Variants in NFATC3 observed in about 807,000 individuals in gnomAD.
NFATC3 encodes nuclear factor of activated T cells 3.
Under a neutral mutation model 98.6 loss-of-function variants are expected in NFATC3, and 46 were observed. That is an observed-to-expected ratio of 0.47 (90% CI 0.37 to 0.60). The LOEUF is 0.60. Ranked by LOEUF, NFATC3 falls within the 20% of genes least tolerant of loss-of-function variation. The pLI, the probability that NFATC3 is intolerant of heterozygous loss-of-function variation, is 0.00. For missense variants in NFATC3, 1,256 were observed against 1,295.5 expected, an observed-to-expected ratio of 0.97 and a Z score of 0.47; for synonymous variants, 512 against 472.2, an observed-to-expected ratio of 1.08 and a Z score of -1.09.
At position 68,085,688 on chromosome 16, in the gene NFATC3, A is replaced by G. The variant is rs62620172; in HGVS notation, c.7A>G (p.Thr3Ala). The part of the protein sequence containing the change: MT[T>A]ANCGAHDELD... ...AGCACCCTGGGCCACGCCGATGACT[A>G]CTGCAAACTGTGGCGCCCACGACGA... The change falls in exon 1 of 10, where the codon ACT becomes GCT. Residue 3 changes from threonine (T) to alanine (A), a missense_variant. Physicochemically the swap from Thr to Ala is moderately conservative, Grantham distance 58 (BLOSUM62 0). Coordinates refer to ENST00000346183, the MANE Select transcript of NFATC3 (RefSeq NM_173165.3). The G allele has an allele frequency of 3.2e-4, 487 of 1,514,326 alleles. 5 individuals carry two copies. The African/African-American group carries it at 6.1e-3, about 19-fold the overall frequency. The allele number at this position is 1,514,326 out of a possible 1,614,324, so 93.8% of individuals were successfully genotyped here.
intron 1 of NFATC3, among the ~76,000 whole-genome samples, chr16:68,116,255 A>G (rs949591663): frequency 6.6e-6 from 1 of 152,004 alleles, no homozygotes; most frequent in African/African-American, 2.4e-5. Flanking sequence ...AAGACAAACT[A>G]TTATCTGTAG....
rs2040405633 is a variant in NFATC3, at chr16:68,191,051, A to C, written c.2382A>C (p.Pro794=). The stretch of plus-strand genomic sequence containing the variant: ...TACACCAGCCTTTTCAAGTCACACC[A>C]ACACCTCCTGTGGGGTCTTCCTATC... ...PIVHQPFQVT[P]TPPVGSSYQP... is the part of the protein sequence containing the mutation. Residue 794 remains proline, a synonymous_variant, in exon 9 of 10, where the codon CCA becomes CCC. Transcript: ENST00000346183. 1.2e-6 allele frequency: 2 copies of C among 1,614,208 alleles called. No homozygotes were observed. The highest frequency in any genetic ancestry group is 8.5e-7 in the Non-Finnish European group (1 of 1,180,032).
intron 4 of NFATC3, among the ~76,000 whole-genome samples, chr16:68,160,039 T>C (rs578234065): frequency 9.9e-5 from 15 of 151,738 alleles, no homozygotes; most frequent in Non-Finnish European, 1.9e-4. Context: ...GATCACTCCA[T>C]TGCATCAAGA....
intron 1 of NFATC3, among the ~76,000 whole-genome samples, chr16:68,087,034 A>C (rs1423425289): frequency 1.3e-5 from 2 of 152,242 alleles, no homozygotes; most frequent in East Asian, 3.8e-4. Context: ...TCCAAGTAAT[A>C]ACTGTACTAC....
At chr16:68,210,285 G>C (rs1458871506) in intron 9 of NFATC3, among the ~76,000 whole-genome samples, 1 of 145,032 alleles carries the variant, frequency 6.9e-6, no homozygotes, top group Non-Finnish European at 1.5e-5. Context: ...GCGACAGAGT[G>C]AGATTCCTTC....
chr16:68,162,664 A>C (rs950753190), intron 4 of NFATC3, among the ~76,000 whole-genome samples: 12 of 152,082 alleles, frequency 7.9e-5, no homozygotes, highest in Non-Finnish European at 1.6e-4. Context: ...CATTCCATAA[A>C]ATACATAAGT....
At chr16:68,100,059 G>C (rs1203762573) in intron 1 of NFATC3, among the ~76,000 whole-genome samples, 2 of 152,134 alleles carry the variant, frequency 1.3e-5, no homozygotes, top group Admixed American at 1.3e-4. Flanking sequence ...AGTTTGTTCT[G>C]TTTTATTGCT....
chr16:68,163,526 G>A (rs1363706653), intron 4 of NFATC3, among the ~76,000 whole-genome samples: 1 of 151,606 alleles, frequency 6.6e-6, no homozygotes, highest in African/African-American at 2.4e-5. Context: ...GGACGGGGCG[G>A]CTGGCCTGGT....
At chr16:68,137,816 C>T (rs1043099120) in intron 3 of NFATC3, among the ~76,000 whole-genome samples, 2 of 151,798 alleles carry the variant, frequency 1.3e-5, no homozygotes, top group Admixed American at 6.6e-5. Flanking sequence ...TGGGGTTTCA[C>T]CGTGTTAGCC....
chr16:68,113,454 CT>C (rs1317212618), intron 1 of NFATC3, among the ~76,000 whole-genome samples: 1 of 152,228 alleles, frequency 6.6e-6, no homozygotes, highest in Non-Finnish European at 1.5e-5. Context: ...GCAAAGATGG[CT>C]GCCTCCTCCT....
intron 4 of NFATC3, among the ~76,000 whole-genome samples, chr16:68,164,964 T>G (rs988579063): frequency 6.6e-6 from 1 of 152,166 alleles, no homozygotes; most frequent in Non-Finnish European, 1.5e-5. Flanking sequence ...TACATAAGAG[T>G]TTTTTTCTTG....
intron 6 of NFATC3, among the ~76,000 whole-genome samples, chr16:68,178,472 G>A (rs1016306741): frequency 6.6e-6 from 1 of 152,212 alleles, no homozygotes; most frequent in Non-Finnish European, 1.5e-5. Context: ...ATAGACACTA[G>A]TCTAGGCATT....
chr16:68,094,481 C>T (rs954034444), intron 1 of NFATC3, among the ~76,000 whole-genome samples: 3 of 151,978 alleles, frequency 2.0e-5, no homozygotes, highest in Non-Finnish European at 4.4e-5. Flanking sequence ...GGAGAACTAC[C>T]TTCTATAGCC....
chr16:68,210,528 G>A (rs2041341891), intron 9 of NFATC3, among the ~76,000 whole-genome samples: 1 of 151,854 alleles, frequency 6.6e-6, no homozygotes, highest in African/African-American at 2.4e-5. Flanking sequence ...ATGATCATGT[G>A]GTTTTTAAAT....
chr16:68,092,028 AC>A (rs2034738091), intron 1 of NFATC3, among the ~76,000 whole-genome samples: 2 of 152,254 alleles, frequency 1.3e-5, no homozygotes, highest in African/African-American at 4.8e-5. Context: ...AGTAATGTTT[AC>A]GTAATTATAT....
intron 4 of NFATC3, among the ~76,000 whole-genome samples, chr16:68,162,585 A>G (rs1014436983): frequency 7.0e-6 from 1 of 142,612 alleles, no homozygotes; most frequent in Non-Finnish European, 1.5e-5. Context: ...TTCAAGCCTA[A>G]ACTCTTTTTT....
chr16:68,174,528 G>A lies in NFATC3; in HGVS notation c.1915+14G>A. 3.2e-6 allele frequency: 5 copies of A among 1,550,818 alleles called. No homozygotes were observed. The highest frequency in any genetic ancestry group is 4.3e-6 in the Non-Finnish European group (5 of 1,150,592). On this transcript the variant is annotated intron_variant, in intron 6 of 9. Coordinates refer to ENST00000346183, the MANE Select transcript of NFATC3 (RefSeq NM_173165.3). ...AAAAAGGACAAGGTAAGTAATATATGAGTTGATTGACTTCAAACTAAGGGG... is the reference window on the plus strand; with the variant it reads ...AAAAAGGACAAGGTAAGTAATATATAAGTTGATTGACTTCAAACTAAGGGG...
At chr16:68,193,014 C>T (rs2040509936) in intron 9 of NFATC3, among the ~76,000 whole-genome samples, 1 of 152,148 alleles carries the variant, frequency 6.6e-6, no homozygotes, top group Non-Finnish European at 1.5e-5. Flanking sequence ...TGGATTCAAC[C>T]ATCTGTGGAT....
At chr16:68,174,665 T>C in intron 6 of NFATC3, 151 bp downstream of exon 6, 1 of 611,084 alleles carries the variant, frequency 1.6e-6, no homozygotes. Context: ...CAAACATTTA[T>C]TAAATTTTCA....
Sources: allele counts gnomAD v4.1 joint callset (sites outside exome capture counted in the v4.1 genomes callset), GRCh38; gene constraint gnomAD v4.1.1; transcripts MANE v1.5; gene names NCBI Gene and HGNC (gene_info 2026-07-23, HGNC 2026-07-21).